NDST4: variants seen among roughly 807,000 people sequenced by gnomAD.
The protein encoded by NDST4 is N-deacetylase and N-sulfotransferase 4, also known as N-heparan sulfate sulfotransferase 4.
NDST4 carries 63 observed loss-of-function variants against 100.8 expected under a neutral mutation model. That is an observed-to-expected ratio of 0.62 (90% CI 0.51 to 0.77). The LOEUF (loss-of-function observed/expected upper bound fraction) is 0.77. NDST4 is among the 30% of genes least tolerant of loss of function. The pLI is 0.00. For synonymous variants in NDST4, 377 were observed against 361.8 expected (o/e 1.04, Z -0.48); for missense variants, 943 against 1,018.4 (o/e 0.93, Z 1.01).
intron 2 of NDST4, among the ~76,000 whole-genome samples, chr4:115,042,961 G>A (rs576393255): frequency 3.9e-5 from 6 of 152,038 alleles, no homozygotes; most frequent in African/African-American, 1.4e-4. Flanking sequence ...CCTGACAGAT[G>A]TCTCTGTGTT....
intron 2 of NDST4, among the ~76,000 whole-genome samples, chr4:115,029,167 T>C: frequency 6.6e-6 from 1 of 151,950 alleles, no homozygotes. Context: ...GAAGTATCAG[T>C]AAGGAGGAGA....
chr4:114,874,500 G>A (rs1724217769), intron 6 of NDST4, among the ~76,000 whole-genome samples: 1 of 152,114 alleles, frequency 6.6e-6, no homozygotes, highest in Admixed American at 6.6e-5. Flanking sequence ...TGTTGTATGG[G>A]GCAACATGTG....
intron 2 of NDST4, among the ~76,000 whole-genome samples, chr4:115,066,174 T>C (rs1728941550): frequency 6.6e-6 from 1 of 152,216 alleles, no homozygotes; most frequent in Non-Finnish European, 1.5e-5. Flanking sequence ...ATACTTTACA[T>C]ATTTGTATGA....
chr4:115,111,183 A>C (rs13105185), intron 1 of NDST4, among the ~76,000 whole-genome samples: 76,764 of 151,762 alleles, frequency 0.51, 20,014 homozygotes, highest in Non-Finnish European at 0.58. Flanking sequence ...CATTTAACCT[A>C]CTGGGGACAA....
chr4:115,102,438 C>T (rs968772454), intron 1 of NDST4, among the ~76,000 whole-genome samples: 52 of 152,020 alleles, frequency 3.4e-4, no homozygotes, highest in African/African-American at 1.2e-3. Flanking sequence ...ATTAAAATAT[C>T]AATGATAACA....
At position 114,829,870 on chromosome 4, in the gene NDST4, A is replaced by G. The variant is rs1445514483; in HGVS notation, c.2419T>C (p.Trp807Arg). Reference sequence around the variant, plus strand: ...TTTCCTCCTTCCAGTAATTGACACCAAAAACCCTTTTGGGGATCAAACCTA... The same window carrying G: ...TTTCCTCCTTCCAGTAATTGACACCGAAAACCCTTTTGGGGATCAAACCTA... ...ALTFDPQKGF[W>R]CQLLEGGKTK... Residue 807 changes from tryptophan (W) to arginine (R), a missense_variant, in exon 13 of 14, where the codon TGG becomes CGG. Physicochemically the swap from Trp to Arg is moderately radical, Grantham distance 101 (BLOSUM62 -3). Transcript: ENST00000264363. 3 of 1,609,136 alleles carry G rather than the reference A, an allele frequency of 1.9e-6. No homozygotes were observed. Among genetic ancestry groups the G allele is most frequent in the Non-Finnish European group, 2.5e-6 (3 of 1,178,086 alleles).
At chr4:114,931,807 T>C (rs932515375) in intron 6 of NDST4, among the ~76,000 whole-genome samples, 1 of 151,696 alleles carries the variant, frequency 6.6e-6, no homozygotes, top group Non-Finnish European at 1.5e-5. Context: ...AAATAGGAAA[T>C]CTGAACAGAC....
At chr4:114,972,570 AG>A (rs1219449194) in intron 3 of NDST4, among the ~76,000 whole-genome samples, 1 of 152,060 alleles carries the variant, frequency 6.6e-6, no homozygotes, top group East Asian at 1.9e-4. Flanking sequence ...CAAAAGAAGA[AG>A]AGTTTACCAC....
intron 7 of NDST4, among the ~76,000 whole-genome samples, chr4:114,865,408 C>T (rs1028811157): frequency 2.6e-5 from 4 of 152,076 alleles, no homozygotes; most frequent in African/African-American, 7.2e-5. Context: ...AACATAGTCC[C>T]TTATGTTATT....
At chr4:114,964,161 C>T (rs762117138) in intron 4 of NDST4, among the ~76,000 whole-genome samples, 15 of 152,210 alleles carry the variant, frequency 9.9e-5, no homozygotes, top group Non-Finnish European at 1.9e-4. Context: ...GAATGACCCA[C>T]ATGGCAAGGA....
chr4:114,860,493 T>A (rs1233223936), intron 7 of NDST4, among the ~76,000 whole-genome samples: 1 of 152,160 alleles, frequency 6.6e-6, no homozygotes, highest in Non-Finnish European at 1.5e-5. Flanking sequence ...ATATGAAGTA[T>A]CCTCAAAAAT....
In NDST4 at chr4:115,076,790, A is replaced by G. The variant is rs1325238415; in HGVS notation, c.247T>C (p.Phe83Leu). 6.2e-7 allele frequency: 1 copy of G among 1,614,002 alleles called. No individual in the cohort carries two copies. The change falls in exon 2 of 14, where the codon TTC becomes CTC. Residue 83 changes from phenylalanine to leucine, a missense_variant. Coordinates refer to ENST00000264363, the MANE Select transcript of NDST4 (RefSeq NM_022569.3). Reference protein sequence around the residue: ...TSKTDPTVLLFVESQYSQLGQ... With the variant: ...TSKTDPTVLLLVESQYSQLGQ... The stretch of plus-strand genomic sequence containing the variant: ...AGTTGAGAGTATTGGCTCTCCACGA[A>G]GAGAAGGACAGTAGGGTCCGTTTTG...
intron 10 of NDST4, among the ~76,000 whole-genome samples, chr4:114,841,802 T>C (rs1178743591): frequency 6.6e-6 from 1 of 152,236 alleles, no homozygotes; most frequent in Non-Finnish European, 1.5e-5. Flanking sequence ...GTGTATTAGA[T>C]AAATTCTGAT....
chr4:115,112,878 G>C (rs999310325), intron 1 of NDST4, among the ~76,000 whole-genome samples: 1 of 151,872 alleles, frequency 6.6e-6, no homozygotes, highest in African/African-American at 2.4e-5. Context: ...TAGGAGGAAA[G>C]CACCTATTTC....
At position 114,927,454 on chromosome 4, in the gene NDST4, A is replaced by ATATT. The variant is rs527605881; in HGVS notation, c.1536+7748_1536+7751dup. On this transcript the variant is annotated intron_variant, in intron 6 of 13. Transcript: ENST00000264363. ...GACAGATTTAATTTATCCTTATATA[A>ATATT]TATTTATCCTTATATAATGGTGAGA... Among the ~76,000 whole-genome samples the ATATT allele has an allele frequency of 2.1e-3, 317 of 152,084 alleles. 1 individual carries two copies. The highest frequency in any genetic ancestry group is 7.4e-3 in the African/African-American group (306 of 41,520).
intron 2 of NDST4, among the ~76,000 whole-genome samples, chr4:115,065,977 T>C (rs1344906585): frequency 6.6e-6 from 1 of 152,150 alleles, no homozygotes; most frequent in Non-Finnish European, 1.5e-5. Flanking sequence ...TTCTGTCCAG[T>C]GATCGCAGAA....
chr4:114,991,094 A>G (rs1481855036), intron 2 of NDST4, among the ~76,000 whole-genome samples: 1 of 152,040 alleles, frequency 6.6e-6, no homozygotes. Flanking sequence ...GGAGAAGATG[A>G]GAGATAGCTC....
rs559220440 is a variant in NDST4 at position 114,983,988 on chromosome 4, G to T, written c.979-6714C>A. Among the ~76,000 whole-genome samples the T allele has an allele frequency of 2.6e-5, 4 of 152,218 alleles. No homozygotes were observed. The South Asian group carries it at 8.3e-4, about 32-fold the overall frequency. On this transcript the variant is annotated intron_variant, in intron 2 of 13. Transcript: ENST00000264363. Reference sequence around the variant, plus strand: ...CTTTATTTCTTCCTCCTCCTGCCAAGTAAGATGTGCCTTGCTTCCCCTTTG... The same window carrying T: ...CTTTATTTCTTCCTCCTCCTGCCAATTAAGATGTGCCTTGCTTCCCCTTTG...
chr4:114,850,277 G>T (rs1048660736), intron 8 of NDST4, among the ~76,000 whole-genome samples: 1 of 152,064 alleles, frequency 6.6e-6, no homozygotes, highest in Admixed American at 6.6e-5. Flanking sequence ...TACCCTGTTG[G>T]TCACATAATC....
Sources: allele counts gnomAD v4.1 joint callset (sites outside exome capture counted in the v4.1 genomes callset), GRCh38; gene constraint gnomAD v4.1.1; transcripts MANE v1.5; gene names NCBI Gene and HGNC (gene_info 2026-07-23, HGNC 2026-07-21).